The following FASTKD2 variants were observed in gnomAD, a reference collection of about 807,000 sequenced individuals.
FASTKD2 encodes the protein FAST kinase domains 2, also known as FAST kinase domain-containing protein 2, mitochondrial.
A neutral mutation model predicts 63.6 loss-of-function variants in FASTKD2; 51 were observed. The observed-to-expected ratio is 0.80, with a 90% confidence interval of 0.64 to 1.01. FASTKD2 has a LOEUF of 1.01. Ranked by LOEUF, FASTKD2 falls within the 50% of genes least tolerant of loss-of-function variation. The probability of loss-of-function intolerance (pLI) is 0.00; values close to 1 mark genes in which losing one functional copy is unlikely to be tolerated. For synonymous variants in FASTKD2, 284 were observed against 293.4 expected (o/e 0.97, Z 0.33); for missense variants, 786 against 831.1 (o/e 0.95, Z 0.67).
At position 206,791,712 on chromosome 2, in the gene FASTKD2, G is replaced by A. The variant is rs1227593399; in HGVS notation, c.2043G>A (p.Glu681=). The A allele has an allele frequency of 3.7e-6, 6 of 1,612,244 alleles. No individual in the cohort carries two copies. The change falls in exon 12 of 12, where the codon GAG becomes GAA. Residue 681 remains glutamate, a synonymous_variant. Coordinates refer to ENST00000402774, the MANE Select transcript of FASTKD2 (RefSeq NM_001136193.2). ...LVNNWEMDKL[E]MEDAVTFLKT... ...ATAACTGGGAGATGGACAAACTAGA[G>A]ATGGAAGATGCAGTCACATTTTTGA... is the stretch of plus-strand genomic sequence containing the variant.
intron 10 of FASTKD2, chr2:206,789,254 G>A (rs1033009215): frequency 2.2e-4 from 40 of 183,848 alleles, no homozygotes; most frequent in African/African-American, 9.0e-4. Context: ...AAGACTCGAG[G>A]CTTCTACAAA....
intron 4 of FASTKD2, among the ~76,000 whole-genome samples, 191 bp downstream of exon 4, chr2:206,771,481 G>C (rs531619891): frequency 6.6e-6 from 1 of 151,600 alleles, no homozygotes; most frequent in Non-Finnish European, 1.5e-5. Context: ...TTATTTATCT[G>C]TCTGGGTCAT....
In FASTKD2 at chr2:206,788,026, C is replaced by G; in HGVS notation, c.1684C>G (p.Leu562Val). 1.2e-6 allele frequency: 2 copies of G among 1,613,660 alleles called. No homozygotes were observed. Among genetic ancestry groups the G allele is most frequent in the Non-Finnish European group, 1.7e-6 (2 of 1,179,650 alleles). Residue 562 changes from leucine (L) to valine (V), a missense_variant, in exon 9 of 12, where the codon CTC becomes GTC. By Grantham distance (32) the Leu-to-Val change is conservative. Coordinates refer to ENST00000402774, the MANE Select transcript of FASTKD2 (RefSeq NM_001136193.2). ...TVYLRDIALS[L>V]PQLPRELPSS... ...CTATCTGAGGGACATAGCCTTGTCA[C>G]TCCCACAGCTGCCGCGGGAGCTGCC...
At chr2:206,785,958 C>A (rs1458296429) in intron 7 of FASTKD2, among the ~76,000 whole-genome samples, 2 of 152,194 alleles carry the variant, frequency 1.3e-5, no homozygotes, top group African/African-American at 2.4e-5. Flanking sequence ...GGGCTGTGCT[C>A]AAATCTTCTT....
chr2:206,771,323 T>G (rs1172821782), intron 4 of FASTKD2, 33 bp downstream of exon 4: 1 of 1,295,854 alleles, frequency 7.7e-7, no homozygotes, highest in East Asian at 2.3e-5. Context: ...GTGGATGAGA[T>G]TTGAAAAAAT....
intron 10 of FASTKD2, 40 bp downstream of exon 10, chr2:206,788,943 A>G (rs1690210638): frequency 9.6e-7 from 1 of 1,043,882 alleles, no homozygotes; most frequent in Non-Finnish European, 1.5e-6. Context: ...TTTCTGAATT[A>G]AAATCCTAAT....
Position 206,789,347 on chromosome 2 carries a change from A to G in FASTKD2, c.1898+444A>G, listed in dbSNP as rs1004915621. 1.3e-4 allele frequency: 23 copies of G among 179,924 alleles called. 2 individuals carry two copies. In the South Asian group the frequency reaches 2.0e-3, roughly 15 times the overall value. 11.1% of individuals were successfully genotyped at this position (179,924 alleles called of 1,614,324 possible). ...AACCGTAGTTTTTTAATTAAACTGT[A>G]TTTGTATGGGTTAGAGCACATTGAA... On this transcript the variant is annotated intron_variant, in intron 10 of 11. Transcript: ENST00000402774.
rs540564062 is a variant in FASTKD2, at chr2:206,791,270, C to T, written c.2014-413C>T. ...TCTAAATGCCACTCATTTGGTCCTG[C>T]GCATAATGTAAGATGTAAACATTCC... On this transcript the variant is annotated intron_variant, in intron 11 of 11. Transcript: ENST00000402774. 1.6e-3 allele frequency: 344 copies of T among 209,830 alleles called. 1 individual carries two copies. The highest frequency in any genetic ancestry group is 7.5e-3 in the African/African-American group (316 of 42,156). 13.0% of individuals were successfully genotyped at this position (209,830 alleles called of 1,614,324 possible).
At position 206,792,046 on chromosome 2, in the gene FASTKD2, T is replaced by C. The variant is rs1366911377; in HGVS notation, c.*244T>C. On this transcript the variant is annotated 3_prime_UTR_variant, in exon 12 of 12. Coordinates refer to ENST00000402774, the MANE Select transcript of FASTKD2 (RefSeq NM_001136193.2). ...TCCCTCTAGTGCCCAGATATTTGAT[T>C]TGTGAGCTGTACGTTTCACCTTTTC... 1.6e-5 allele frequency: 8 copies of C among 497,170 alleles called. No individual in the cohort carries two copies. In the Admixed American group the frequency reaches 2.3e-4, roughly 15 times the overall value. 30.8% of individuals were successfully genotyped at this position (497,170 alleles called of 1,614,324 possible).
chr2:206,776,206 A>G (rs79499040), intron 7 of FASTKD2, among the ~76,000 whole-genome samples: 13,908 of 151,748 alleles, frequency 0.092, 735 homozygotes, highest in East Asian at 0.2. Flanking sequence ...TAAGTTTTAT[A>G]TAAACTTATA....
intron 7 of FASTKD2, among the ~76,000 whole-genome samples, chr2:206,779,814 C>T (rs1689920706): frequency 6.6e-6 from 1 of 152,150 alleles, no homozygotes; most frequent in African/African-American, 2.4e-5. Flanking sequence ...GTTTTTTCTT[C>T]TATCTTTTCC....
intron 7 of FASTKD2, among the ~76,000 whole-genome samples, chr2:206,781,906 C>T (rs1689995117): frequency 6.6e-6 from 1 of 152,006 alleles, no homozygotes; most frequent in Non-Finnish European, 1.5e-5. Flanking sequence ...GAGATAGAAA[C>T]CAGCTCCTTG....
chr2:206,782,953 C>T (rs1690032069), intron 7 of FASTKD2, among the ~76,000 whole-genome samples: 1 of 152,114 alleles, frequency 6.6e-6, no homozygotes, highest in Non-Finnish European at 1.5e-5. Flanking sequence ...TTGTGAAGGT[C>T]TCAGTGGCAA....
At chr2:206,786,166 A>C (rs547563113) in intron 7 of FASTKD2, among the ~76,000 whole-genome samples, 1 of 152,328 alleles carries the variant, frequency 6.6e-6, no homozygotes, top group South Asian at 2.1e-4. Flanking sequence ...TGGGCAAGCG[A>C]CTGCCCCTGA....
chr2:206,782,816 G>T (rs1690026871), intron 7 of FASTKD2, among the ~76,000 whole-genome samples: 1 of 152,112 alleles, frequency 6.6e-6, no homozygotes, highest in South Asian at 2.1e-4. Context: ...TCATTGGGTT[G>T]TTATTAGAAT....
At chr2:206,770,989 T>C (rs1689663471) in intron 3 of FASTKD2, among the ~76,000 whole-genome samples, 193 bp from the exon 4 acceptor site, 1 of 152,122 alleles carries the variant, frequency 6.6e-6, no homozygotes, top group African/African-American at 2.4e-5. Context: ...AGCACAATAA[T>C]GTGAGAGAAA....
Position 206,786,730 on chromosome 2 carries a change from C to A in FASTKD2, c.1428-3C>A, listed in dbSNP as rs1286124349. Reference sequence around the variant, plus strand: ...GGGAAACTGACTTTTCTTTGTTCCCCAGACAGTTCGTGGAAGTTATGGCTA... The same window carrying A: ...GGGAAACTGACTTTTCTTTGTTCCCAAGACAGTTCGTGGAAGTTATGGCTA... On this transcript the variant is annotated splice_region_variant and splice_polypyrimidine_tract_variant and intron_variant, in intron 7 of 11. Transcript: ENST00000402774. The A allele has an allele frequency of 6.2e-7, 1 of 1,613,526 alleles. No individual in the cohort carries two copies. Among genetic ancestry groups the A allele is most frequent in the Non-Finnish European group, 8.5e-7 (1 of 1,179,498 alleles).
At chr2:206,790,793 A>C (rs908612127) in intron 11 of FASTKD2, 107 bp downstream of exon 11, 1 of 771,478 alleles carries the variant, frequency 1.3e-6, no homozygotes, top group Non-Finnish European at 2.4e-6. Flanking sequence ...AGGAATTGTC[A>C]GCATTATTGG....
intron 3 of FASTKD2, among the ~76,000 whole-genome samples, 165 bp downstream of exon 3, chr2:206,770,359 G>C (rs1025529757): frequency 1.3e-5 from 2 of 152,096 alleles, no homozygotes; most frequent in Admixed American, 6.5e-5. Flanking sequence ...TTAAAATCCT[G>C]ACTCTGGATG....
Sources: allele counts gnomAD v4.1 joint callset (sites outside exome capture counted in the v4.1 genomes callset), GRCh38; gene constraint gnomAD v4.1.1; transcripts MANE v1.5; gene names NCBI Gene and HGNC (gene_info 2026-07-23, HGNC 2026-07-21).